The following TBCEL variants were observed in gnomAD, a reference collection of about 807,000 sequenced individuals.
The protein encoded by TBCEL is tubulin folding cofactor E like.
In TBCEL, 15 loss-of-function variants were observed where a neutral mutation model predicts 44.2. That is an observed-to-expected ratio of 0.34 (90% CI 0.23 to 0.52). TBCEL has a LOEUF of 0.52. TBCEL is among the 20% of genes least tolerant of loss of function. The pLI, the probability that TBCEL is intolerant of heterozygous loss-of-function variation, is 0.95. For synonymous variants in TBCEL, 171 were observed against 185.4 expected (o/e 0.92, Z 0.63); for missense variants, 319 against 506.3 (o/e 0.63, Z 3.55).
At chr11:121,065,816 A>G (rs1945810099) in intron 8 of TBCEL, among the ~76,000 whole-genome samples, 1 of 152,202 alleles carries the variant, frequency 6.6e-6, no homozygotes, top group South Asian at 2.1e-4. Flanking sequence ...AAAACAGTCC[A>G]TGTGACCACA....
intron 1 of TBCEL, among the ~76,000 whole-genome samples, chr11:121,032,542 C>T (rs1297907086): frequency 6.6e-6 from 1 of 152,182 alleles, no homozygotes; most frequent in Non-Finnish European, 1.5e-5. Flanking sequence ...GAATTAACTG[C>T]AAACAGCCCT....
chr11:121,079,802 A>C (rs1946092305), intron 8 of TBCEL, among the ~76,000 whole-genome samples: 1 of 152,162 alleles, frequency 6.6e-6, no homozygotes, highest in African/African-American at 2.4e-5. Flanking sequence ...ATGCCTTGGG[A>C]AACAAACTCG....
At chr11:121,072,640 G>T (rs986357310) in intron 8 of TBCEL, among the ~76,000 whole-genome samples, 2 of 151,790 alleles carry the variant, frequency 1.3e-5, no homozygotes, top group African/African-American at 4.8e-5. Context: ...AGTATGAATT[G>T]CTCTGTCTTC....
At chr11:121,042,432 C>G (rs1945350951) in intron 2 of TBCEL, among the ~76,000 whole-genome samples, 1 of 152,090 alleles carries the variant, frequency 6.6e-6, no homozygotes, top group South Asian at 2.1e-4. Flanking sequence ...TCCGAAAGCC[C>G]TAGCTGAACA....
At chr11:121,071,602 A>G (rs1029637567) in intron 8 of TBCEL, among the ~76,000 whole-genome samples, 2 of 152,146 alleles carry the variant, frequency 1.3e-5, no homozygotes, top group African/African-American at 2.4e-5. Context: ...TCCCTAAACT[A>G]TGTCCTGGGA....
chr11:121,049,646 T>C (rs1018205817), intron 4 of TBCEL, among the ~76,000 whole-genome samples: 1 of 151,880 alleles, frequency 6.6e-6, no homozygotes, highest in African/African-American at 2.4e-5. Flanking sequence ...CTGCAACATT[T>C]AACTGCCATG....
rs1337471970 is a variant in TBCEL at position 121,087,829 on chromosome 11, A to G, written c.*733A>G. On this transcript the variant is annotated 3_prime_UTR_variant, in exon 9 of 9. Coordinates refer to ENST00000683345, the MANE Select transcript of TBCEL (RefSeq NM_001363644.2). ...TTGCAGTTATTCTGGAAGCACCGGC[A>G]GAACAGTCTGATCTCTTTGTATGTT... 3 of 152,230 alleles carry G rather than the reference A, an allele frequency of 2.0e-5. No individual in the cohort carries two copies. The East Asian group carries it at 5.8e-4, about 29-fold the overall frequency. The allele number at this position is 152,230 out of a possible 1,614,324, so 9.4% of individuals were successfully genotyped here. A position where few individuals can be genotyped will look rare whatever the true frequency, so the allele number is the denominator to read the frequency against.
chr11:121,057,501 A>G, intron 6 of TBCEL: 2 of 397,738 alleles, frequency 5.0e-6, no homozygotes, highest in Non-Finnish European at 9.9e-6. Flanking sequence ...TTTGTTTTAA[A>G]TTTTAGATCC....
intron 6 of TBCEL, among the ~76,000 whole-genome samples, chr11:121,055,898 T>C (rs1035604270): frequency 7.6e-5 from 11 of 144,784 alleles, no homozygotes; most frequent in Admixed American, 7.4e-4. Flanking sequence ...CCACTGTCAG[T>C]GTCCCATAGC....
chr11:121,058,779 A>G (rs1390651170), intron 7 of TBCEL, among the ~76,000 whole-genome samples: 1 of 151,942 alleles, frequency 6.6e-6, no homozygotes, highest in Non-Finnish European at 1.5e-5. Context: ...AAGTACGTAC[A>G]GTAGGGAATC....
chr11:121,024,743 G>A (rs1945015948), intron 1 of TBCEL, among the ~76,000 whole-genome samples: 1 of 152,216 alleles, frequency 6.6e-6, no homozygotes, highest in Admixed American at 6.5e-5. Context: ...CCAGAAAAGA[G>A]GACATGTCCC....
Position 121,028,214 on chromosome 11 carries a change from T to A in TBCEL, c.-126+3923T>A, listed in dbSNP as rs966828917. The stretch of plus-strand genomic sequence containing the variant: ...GTGAGGCACTGTTTAAAAAAATAAA[T>A]AAATAAATAAAATAAAATAAAATAA... On this transcript the variant is annotated intron_variant, in intron 1 of 8. Transcript: ENST00000683345. 5.6e-5 allele frequency among the ~76,000 whole-genome samples: 8 copies of A among 143,736 alleles called. No individual in the cohort carries two copies. In the South Asian group the frequency reaches 6.8e-4, roughly 12 times the overall value. 94.3% of individuals were successfully genotyped at this position (143,736 alleles called of 152,430 possible).
chr11:121,047,866 C>T lies in TBCEL; in HGVS notation c.273+199C>T, dbSNP rs1439024830. On this transcript the variant is annotated intron_variant, in intron 4 of 8. Transcript: ENST00000683345. Reference sequence around the variant, plus strand: ...AATCCCAGTGCTAAGGAGGCTGAGGCAGGAGGATCACTTGAGCCCAGGAAT... The same window carrying T: ...AATCCCAGTGCTAAGGAGGCTGAGGTAGGAGGATCACTTGAGCCCAGGAAT... 5.9e-6 allele frequency: 3 copies of T among 507,660 alleles called. No individual in the cohort carries two copies. In the Admixed American group the frequency reaches 1.1e-4, roughly 19 times the overall value. 31.4% of individuals were successfully genotyped at this position (507,660 alleles called of 1,614,324 possible). A position where few individuals can be genotyped will look rare whatever the true frequency, so the allele number is the denominator to read the frequency against.
Position 121,050,835 on chromosome 11 carries a change from G to T in TBCEL, c.274-2716G>T, listed in dbSNP as rs1212758586. ...ATAGAATTGTAGAAACCTAAAATGT[G>T]ATCTGAGTTCATCTCCATGTTTCTG... On this transcript the variant is annotated intron_variant, in intron 4 of 8. Transcript: ENST00000683345. Among the ~76,000 whole-genome samples, 3 of 151,786 alleles carry T rather than the reference G, an allele frequency of 2.0e-5. No individual in the cohort carries two copies. In the East Asian group the frequency reaches 5.8e-4, roughly 29 times the overall value.
chr11:121,037,506 A>G (rs1945253046), intron 2 of TBCEL, among the ~76,000 whole-genome samples: 1 of 152,218 alleles, frequency 6.6e-6, no homozygotes, highest in South Asian at 2.1e-4. Context: ...GACTTGGTCA[A>G]TGTCCCAGAA....
intron 4 of TBCEL, among the ~76,000 whole-genome samples, chr11:121,051,694 C>T (rs1159260883): frequency 2.6e-5 from 4 of 151,782 alleles, no homozygotes; most frequent in Non-Finnish European, 5.9e-5. Context: ...ATTCCTTACA[C>T]TTTAAACAGA....
At chr11:121,071,490 C>G (rs895532862) in intron 8 of TBCEL, among the ~76,000 whole-genome samples, 4 of 152,070 alleles carry the variant, frequency 2.6e-5, no homozygotes, top group African/African-American at 9.7e-5. Context: ...AGAGGAAGTA[C>G]CATTGTCAGA....
chr11:121,028,142 T>A (rs1437997704), intron 1 of TBCEL, among the ~76,000 whole-genome samples: 1 of 151,982 alleles, frequency 6.6e-6, no homozygotes, highest in Admixed American at 6.6e-5. Flanking sequence ...GGTTGAGGCT[T>A]CAGTGAGCTA....
chr11:121,063,117 C>A (rs183412506), intron 8 of TBCEL, among the ~76,000 whole-genome samples: 88 of 152,246 alleles, frequency 5.8e-4, no homozygotes, highest in African/African-American at 2.1e-3. Flanking sequence ...AATCAAAAAT[C>A]TGCATGGGAC....
Sources: allele counts gnomAD v4.1 joint callset (sites outside exome capture counted in the v4.1 genomes callset), GRCh38; gene constraint gnomAD v4.1.1; transcripts MANE v1.5; gene names NCBI Gene and HGNC (gene_info 2026-07-23, HGNC 2026-07-21).